PIP: variants seen among roughly 807,000 people sequenced by gnomAD.
PIP encodes the protein prolactin induced protein.
In PIP, 9 loss-of-function variants were observed where a neutral mutation model predicts 12.8. That is an observed-to-expected ratio of 0.70 (90% confidence interval 0.42 to 1.23). The LOEUF (loss-of-function observed/expected upper bound fraction) is 1.23. PIP is among the 50% of genes most tolerant of loss of function. The pLI, the probability that PIP is intolerant of heterozygous loss-of-function variation, is 0.00. For missense variants in PIP, 172 were observed against 179.5 expected, an observed-to-expected ratio of 0.96 and a Z score of 0.24; for synonymous variants, 60 against 66.1, an observed-to-expected ratio of 0.91 and a Z score of 0.45.
intron 2 of PIP, among the ~76,000 whole-genome samples, chr7:143,138,447 A>G (rs780505662): frequency 6.6e-6 from 1 of 152,128 alleles, no homozygotes; most frequent in Non-Finnish European, 1.5e-5. Context: ...TGAAATTTAT[A>G]TATACAATAA....
In PIP at chr7:143,132,171, C is replaced by T. The variant is rs767387641; in HGVS notation, c.55C>T (p.Leu19Phe). 6.2e-6 allele frequency: 10 copies of T among 1,613,176 alleles called. No homozygotes were observed. The highest frequency in any genetic ancestry group is 1.7e-4 in the Middle Eastern group (1 of 6,060). ...CAGCCCTGCCACCCTGCTCCTGGTTCTCTGCCTGCAGTTGGGGGCCAACAA... is the reference window on the plus strand; with the variant it reads ...CAGCCCTGCCACCCTGCTCCTGGTTTTCTGCCTGCAGTTGGGGGCCAACAA... ...RASPATLLLV[L>F]CLQLGANKAQ... The change falls in exon 1 of 4, where the codon CTC becomes TTC. Residue 19 changes from leucine (L) to phenylalanine (F), a missense_variant. Physicochemically the swap from Leu to Phe is conservative, Grantham distance 22. Coordinates refer to ENST00000291009, the MANE Select transcript of PIP (RefSeq NM_002652.3).
chr7:143,139,335 G>A, intron 3 of PIP, 146 bp downstream of exon 3: 2 of 824,874 alleles, frequency 2.4e-6, no homozygotes, highest in South Asian at 1.5e-5. Flanking sequence ...CATGGGGAGA[G>A]CAGATGGGGA....
chr7:143,135,151 G>T, intron 1 of PIP, 43 bp from the exon 2 acceptor site: 1 of 1,026,502 alleles, frequency 9.7e-7, no homozygotes. Context: ...CTCAAAGATT[G>T]GTCTCTGATC....
At chr7:143,137,003 A>G (rs1189390855) in intron 2 of PIP, among the ~76,000 whole-genome samples, 1 of 151,772 alleles carries the variant, frequency 6.6e-6, no homozygotes, top group Non-Finnish European at 1.5e-5. Context: ...TAAAATTCTT[A>G]CCATCTAATC....
intron 1 of PIP, among the ~76,000 whole-genome samples, chr7:143,132,743 C>A (rs966902017): frequency 6.6e-6 from 1 of 152,082 alleles, no homozygotes; most frequent in East Asian, 1.9e-4. Context: ...ATGATGACCT[C>A]TTGCTCTCAC....
intron 1 of PIP, among the ~76,000 whole-genome samples, chr7:143,134,792 C>T (rs1307888992): frequency 1.3e-5 from 2 of 151,728 alleles, no homozygotes; most frequent in Non-Finnish European, 2.9e-5. Context: ...AGAAGATGCT[C>T]GTTCATTGAT....
At chr7:143,134,193 T>C (rs1210784815) in intron 1 of PIP, among the ~76,000 whole-genome samples, 4 of 45,130 alleles carry the variant, frequency 8.9e-5, no homozygotes, top group African/African-American at 4.7e-4. Context: ...CATATATATA[T>C]ATATATATAT....
intron 1 of PIP, among the ~76,000 whole-genome samples, chr7:143,133,892 G>C (rs1799270251): frequency 6.6e-6 from 1 of 151,214 alleles, no homozygotes; most frequent in African/African-American, 2.4e-5. Context: ...TTCTTTAGTG[G>C]TGATGAGATT....
chr7:143,139,300 AG>A (rs1455735782), intron 3 of PIP, 111 bp downstream of exon 3: 1 of 845,906 alleles, frequency 1.2e-6, no homozygotes, highest in East Asian at 2.4e-5. Flanking sequence ...TCAGGGCAGA[AG>A]GACAGAAGGG....
At chr7:143,135,448 G>A (rs1028493281) in intron 2 of PIP, 149 bp downstream of exon 2, 2 of 463,294 alleles carry the variant, frequency 4.3e-6, no homozygotes, top group Admixed American at 6.7e-5. Context: ...AACAACTGTG[G>A]GAGCTTGGGA....
At chr7:143,138,370 G>A (rs1224884769) in intron 2 of PIP, among the ~76,000 whole-genome samples, 2 of 151,956 alleles carry the variant, frequency 1.3e-5, no homozygotes, top group Admixed American at 1.3e-4. Context: ...AGATCCCTCT[G>A]GGTCTATGGA....
At chr7:143,138,967 A>C in intron 2 of PIP, 108 bp from the exon 3 acceptor site, 2 of 683,216 alleles carry the variant, frequency 2.9e-6, no homozygotes, top group Non-Finnish European at 5.4e-6. Context: ...CCCTAGGCCC[A>C]CCTCCACCCC....
intron 1 of PIP, among the ~76,000 whole-genome samples, chr7:143,133,797 G>C (rs1366900632): frequency 5.9e-5 from 9 of 151,874 alleles, no homozygotes; most frequent in Admixed American, 5.9e-4. Context: ...TGAGATGTTT[G>C]CTGGGTTTTT....
intron 1 of PIP, among the ~76,000 whole-genome samples, chr7:143,133,738 C>T (rs1799268645): frequency 6.6e-6 from 1 of 151,936 alleles, no homozygotes; most frequent in African/African-American, 2.4e-5. Context: ...ACCTGGGGAC[C>T]ACAGAAGGAG....
intron 2 of PIP, among the ~76,000 whole-genome samples, chr7:143,136,216 C>A (rs1170992089): frequency 6.6e-6 from 1 of 152,022 alleles, no homozygotes; most frequent in Non-Finnish European, 1.5e-5. Flanking sequence ...ACTGCCCCCA[C>A]TACCTTTGTT....
At chr7:143,135,171 T>C in intron 1 of PIP, 23 bp from the exon 2 acceptor site, 3 of 1,294,464 alleles carry the variant, frequency 2.3e-6, no homozygotes, top group Non-Finnish European at 3.4e-6. Flanking sequence ...CCTGGTGTTC[T>C]GATTCTCTCT....
chr7:143,132,321 C>T, intron 1 of PIP, 110 bp downstream of exon 1: 2 of 1,299,946 alleles, frequency 1.5e-6, no homozygotes, highest in Non-Finnish European at 2.2e-6. Context: ...TCCCAGAACT[C>T]TAGTCCCAGG....
At chr7:143,133,024 T>A (rs926474515) in intron 1 of PIP, among the ~76,000 whole-genome samples, 1 of 152,026 alleles carries the variant, frequency 6.6e-6, no homozygotes. Flanking sequence ...CAAGCTAATG[T>A]AATGGAGGCA....
chr7:143,135,106 C>A, intron 1 of PIP, 88 bp from the exon 2 acceptor site: 1 of 642,470 alleles, frequency 1.6e-6, no homozygotes, highest in Non-Finnish European at 2.9e-6. Flanking sequence ...CTTGCCCATC[C>A]TGTGCCCCTT....
Sources: allele counts gnomAD v4.1 joint callset (sites outside exome capture counted in the v4.1 genomes callset), GRCh38; gene constraint gnomAD v4.1.1; transcripts MANE v1.5; gene names NCBI Gene and HGNC (gene_info 2026-07-23, HGNC 2026-07-21).